Variants in ENPEP observed in about 807,000 individuals in gnomAD.
ENPEP encodes the protein glutamyl aminopeptidase.
ENPEP carries 103 observed loss-of-function variants against 114.5 expected under a neutral mutation model. The observed-to-expected ratio is 0.90, with a 90% CI of 0.77 to 1.06. The LOEUF (loss-of-function observed/expected upper bound fraction) is 1.06, where lower values mean the gene tolerates loss of function less well. ENPEP is among the 50% of genes least tolerant of loss of function. ENPEP has a pLI of 0.00. For synonymous variants in ENPEP, 420 were observed against 422.0 expected, an observed-to-expected ratio of 1.00 and a Z score of 0.06; for missense variants, 1,196 against 1,161.3, an observed-to-expected ratio of 1.03 and a Z score of -0.43.
At position 110,562,540 on chromosome 4, in the gene ENPEP, G is replaced by A. The variant is rs911638383; in HGVS notation, c.*982G>A. The stretch of plus-strand genomic sequence containing the variant: ...CCTAGCAATCTAAGTGTGAAAATGG[G>A]GAGACCTGTGGGCATCCCCAGCATG... On this transcript the variant is annotated 3_prime_UTR_variant, in exon 20 of 20. Transcript: ENST00000265162. 1 of 152,062 alleles carries A rather than the reference G, an allele frequency of 6.6e-6. No homozygotes were observed. Among genetic ancestry groups the A allele is most frequent in the African/African-American group, 2.4e-5 (1 of 41,422 alleles). 9.4% of individuals were successfully genotyped at this position (152,062 alleles called of 1,614,324 possible). A position where few individuals can be genotyped will look rare whatever the true frequency, so the allele number is the denominator to read the frequency against.
chr4:110,531,371 A>C, intron 11 of ENPEP, 94 bp downstream of exon 11: 2 of 1,005,182 alleles, frequency 2.0e-6, no homozygotes, highest in Non-Finnish European at 2.6e-6. Context: ...GCTGGAACTT[A>C]TGTAAACTTC....
chr4:110,542,005 A>G (rs1281261227), intron 11 of ENPEP, among the ~76,000 whole-genome samples: 7 of 152,152 alleles, frequency 4.6e-5, no homozygotes, highest in African/African-American at 1.7e-4. Context: ...ATAGAGCCTC[A>G]CATATATATG....
chr4:110,524,858 A>G (rs1404287100), intron 10 of ENPEP, among the ~76,000 whole-genome samples: 8 of 152,152 alleles, frequency 5.3e-5, no homozygotes, highest in African/African-American at 1.7e-4. Context: ...TCCTGAGCTC[A>G]AGTGATTTTC....
chr4:110,484,725 A>AATATATATT (rs933669899), intron 1 of ENPEP, among the ~76,000 whole-genome samples: 1 of 145,222 alleles, frequency 6.9e-6, no homozygotes, highest in East Asian at 1.9e-4. Flanking sequence ...GGATCTTAGG[A>AATATATATT]ATATATATTA....
intron 6 of ENPEP, 45 bp from the exon 7 acceptor site, chr4:110,513,370 T>C: frequency 1.3e-6 from 2 of 1,578,550 alleles, no homozygotes; most frequent in Non-Finnish European, 1.7e-6. Flanking sequence ...TATAAACTAG[T>C]ATAAAGGAAA....
At chr4:110,553,754 G>A (rs572565281) in intron 18 of ENPEP, among the ~76,000 whole-genome samples, 1 of 152,126 alleles carries the variant, frequency 6.6e-6, no homozygotes. Context: ...TGTTGTGCTA[G>A]TACCTAGCAT....
At chr4:110,528,890 G>A (rs1448807) in intron 10 of ENPEP, among the ~76,000 whole-genome samples, 5,399 of 152,264 alleles carry the variant, frequency 0.035, 307 homozygotes, top group African/African-American at 0.12. Flanking sequence ...TAGCCAATAT[G>A]TAGAAAACTC....
At chr4:110,508,702 T>C (rs1328782331) in intron 4 of ENPEP, among the ~76,000 whole-genome samples, 1 of 152,114 alleles carries the variant, frequency 6.6e-6, no homozygotes, top group African/African-American at 2.4e-5. Flanking sequence ...TCCCAGCTAC[T>C]CAGGAGGCCG....
intron 13 of ENPEP, 48 bp downstream of exon 13, chr4:110,543,118 T>C: frequency 6.6e-7 from 1 of 1,519,474 alleles, no homozygotes; most frequent in Non-Finnish European, 9.1e-7. Flanking sequence ...GTGGGTTTTC[T>C]CATAAATCTT....
At chr4:110,522,459 G>C (rs1726034593) in intron 10 of ENPEP, among the ~76,000 whole-genome samples, 1 of 152,182 alleles carries the variant, frequency 6.6e-6, no homozygotes, top group Non-Finnish European at 1.5e-5. Context: ...GGGATTACAG[G>C]TGTGAGCCAC....
chr4:110,561,347 T>C, intron 19 of ENPEP, 59 bp from the exon 20 acceptor site: 1 of 1,567,354 alleles, frequency 6.4e-7, no homozygotes, highest in East Asian at 2.2e-5. Context: ...GTGAATGAAA[T>C]TCTTGAAGAC....
At chr4:110,507,011 T>G (rs1003681038) in intron 4 of ENPEP, among the ~76,000 whole-genome samples, 2 of 152,154 alleles carry the variant, frequency 1.3e-5, no homozygotes, top group Non-Finnish European at 2.9e-5. Context: ...TGTTTCCAAA[T>G]AAAGATGAAA....
chr4:110,477,110 A>G, intron 1 of ENPEP, 52 bp downstream of exon 1: 1 of 1,554,848 alleles, frequency 6.4e-7, no homozygotes, highest in African/African-American at 1.4e-5. Flanking sequence ...TCTGCTTTCC[A>G]TTTCTTTTCC....
In ENPEP at chr4:110,477,545, AAG is replaced by A. The variant is rs578161776; in HGVS notation, c.644+493_644+494del. Among the ~76,000 whole-genome samples the A allele has an allele frequency of 2.1e-3, 323 of 152,040 alleles. 2 individuals carry two copies. Among genetic ancestry groups the A allele is most frequent in the African/African-American group, 7.4e-3 (308 of 41,466 alleles). Reference sequence around the variant, plus strand: ...TTTGTCCAATGTCTCTTTTTTGGAGAAGAGAGACATTGAAAAATCACATGTGA... The same window carrying A: ...TTTGTCCAATGTCTCTTTTTTGGAGAAGAGACATTGAAAAATCACATGTGA... On this transcript the variant is annotated intron_variant, in intron 1 of 19. Transcript: ENST00000265162.
At chr4:110,533,254 T>C (rs373199459) in intron 11 of ENPEP, 2 of 264,824 alleles carry the variant, frequency 7.6e-6, no homozygotes, top group South Asian at 3.9e-5. Flanking sequence ...AAGTGCTTTG[T>C]AAAATGCATT....
intron 1 of ENPEP, among the ~76,000 whole-genome samples, chr4:110,485,009 A>G (rs1724452849): frequency 6.6e-6 from 1 of 152,090 alleles, no homozygotes; most frequent in Admixed American, 6.5e-5. Context: ...CATTCTTGCA[A>G]GGAGTGACTT....
intron 19 of ENPEP, 132 bp downstream of exon 19, chr4:110,559,857 T>C (rs992324415): frequency 1.4e-6 from 1 of 693,812 alleles, no homozygotes; most frequent in Non-Finnish European, 2.5e-6. Context: ...ACACGTGCCA[T>C]GGTGGTTTGC....
intron 10 of ENPEP, among the ~76,000 whole-genome samples, chr4:110,526,169 G>A (rs969957263): frequency 2.6e-5 from 4 of 151,946 alleles, no homozygotes; most frequent in Non-Finnish European, 5.9e-5. Context: ...CCAGCTACTC[G>A]GGAGGCTGAG....
intron 17 of ENPEP, among the ~76,000 whole-genome samples, chr4:110,550,447 G>C (rs1012766062): frequency 6.6e-6 from 1 of 151,978 alleles, no homozygotes; most frequent in African/African-American, 2.4e-5. Context: ...CTGGGACTGG[G>C]GTAGAAGTCT....
Sources: gnomAD v4.1 joint callset for allele counts (sites outside exome capture counted in the v4.1 genomes callset) on GRCh38, gnomAD v4.1.1 for gene constraint, MANE v1.5 for transcripts, NCBI Gene and HGNC (gene_info 2026-07-23, HGNC 2026-07-21) for gene names.